USP39: variants seen among roughly 807,000 people sequenced by gnomAD.
The protein encoded by USP39 is ubiquitin carboxyl-terminal hydrolase 39.
Under a neutral mutation model 66.4 loss-of-function variants are expected in USP39, and 38 were observed. The observed-to-expected ratio is 0.57, with a 90% CI of 0.44 to 0.75. USP39 has a LOEUF of 0.75. Ranked by LOEUF, USP39 falls within the 30% of genes least tolerant of loss-of-function variation. USP39 has a pLI of 0.00. For synonymous variants in USP39, 303 were observed against 274.6 expected, an observed-to-expected ratio of 1.10 and a Z score of -1.02; for missense variants, 608 against 714.4, an observed-to-expected ratio of 0.85 and a Z score of 1.70.
chr2:85,639,263 T>A lies in USP39; in HGVS notation c.1156T>A (p.Ser386Thr). The part of the protein sequence containing the change: ...NDEYQETMVE[S>T]TFMYLTLDLP... ...CGAGTACCAGGAGACAATGGTGGAG[T>A]CCACTTTTATGTACCTGACGCTGGA... The change falls in exon 9 of 13, where the codon TCC becomes ACC. Residue 386 changes from serine (S) to threonine (T), a missense_variant. Around this residue, in one of 6 missense-constraint regions of USP39, gnomAD observed 164 missense variants for 250.3 expected, o/e 0.66. Transcript: ENST00000323701. 1 of 1,613,472 alleles carries A rather than the reference T, an allele frequency of 6.2e-7. No individual in the cohort carries two copies. Among genetic ancestry groups the A allele is most frequent in the Non-Finnish European group, 8.5e-7 (1 of 1,179,876 alleles).
At chr2:85,631,269 T>C (rs959568688) in intron 6 of USP39, among the ~76,000 whole-genome samples, 1 of 148,826 alleles carries the variant, frequency 6.7e-6, no homozygotes, top group East Asian at 2.0e-4. Context: ...CTACTCGGCC[T>C]CCCAAAGTGC....
chr2:85,623,847 G>A lies in USP39; in HGVS notation c.570+65G>A, dbSNP rs2304565. 1.5e-4 allele frequency: 233 copies of A among 1,514,158 alleles called. 3 individuals carry two copies. In the East Asian group the frequency reaches 5.8e-3, roughly 37 times the overall value. 93.8% of individuals were successfully genotyped at this position (1,514,158 alleles called of 1,614,324 possible). A position where few individuals can be genotyped will look rare whatever the true frequency, so the allele number is the denominator to read the frequency against. On this transcript the variant is annotated intron_variant, in intron 4 of 12. Coordinates refer to ENST00000323701, the MANE Select transcript of USP39 (RefSeq NM_006590.4). ...ATGAGCCATCCCAGGGCTCCCAGGG[G>A]ACTGCCCCACCTGAGGACAGGGAAG...
Position 85,640,995 on chromosome 2 carries a change from A to G in USP39, c.1304A>G (p.Glu435Gly). Reference protein sequence around the residue: ...ITEKEYKTYKENFLKRFQLTK... With the variant: ...ITEKEYKTYKGNFLKRFQLTK... ...CTCTAGGAATATAAGACTTACAAGG[A>G]GAACTTTCTGAAGCGCTTCCAGCTT... Residue 435 changes from glutamate (E) to glycine (G), a missense_variant, in exon 10 of 13, where the codon GAG becomes GGG. Transcript: ENST00000323701. 6.2e-7 allele frequency: 1 copy of G among 1,611,592 alleles called. No individual in the cohort carries two copies. The highest frequency in any genetic ancestry group is 8.5e-7 in the Non-Finnish European group (1 of 1,179,502).
intron 6 of USP39, among the ~76,000 whole-genome samples, chr2:85,635,559 CA>C (rs1277860011): frequency 1.0e-4 from 15 of 145,384 alleles, no homozygotes; most frequent in Non-Finnish European, 1.4e-4. Flanking sequence ...GACTCTGTCT[CA>C]AAAAAAAAAG....
At chr2:85,643,539 A>G (rs1356245155) in intron 10 of USP39, among the ~76,000 whole-genome samples, 1 of 152,024 alleles carries the variant, frequency 6.6e-6, no homozygotes, top group Non-Finnish European at 1.5e-5. Context: ...AGACAAGTCT[A>G]GTCAGCTTTT....
chr2:85,643,367 G>A (rs1676397138), intron 10 of USP39, among the ~76,000 whole-genome samples: 1 of 151,974 alleles, frequency 6.6e-6, no homozygotes, highest in Non-Finnish European at 1.5e-5. Context: ...GTGGGCGCCT[G>A]TAGTCCCAGC....
intron 2 of USP39, 113 bp from the exon 3 acceptor site, chr2:85,621,372 C>T: frequency 1.2e-6 from 1 of 836,232 alleles, no homozygotes; most frequent in Non-Finnish European, 2.0e-6. Flanking sequence ...TGGTTGTGAA[C>T]TGTTTTCTGA....
At chr2:85,611,548 C>T, upstream of USP39, 2 of 1,551,010 alleles carry the variant, frequency 1.3e-6, no homozygotes, top group South Asian at 1.2e-5. Flanking sequence ...GGTGGAGGTT[C>T]CGGAAAGAGA....
chr2:85,608,833 C>T, upstream of USP39: 1 of 1,440,494 alleles, frequency 6.9e-7, no homozygotes, highest in South Asian at 1.3e-5. Context: ...TGCAGCAGCT[C>T]TGGGGGTCTC....
upstream of USP39, chr2:85,611,774 G>A: frequency 1.2e-6 from 2 of 1,612,084 alleles, no homozygotes. Context: ...TCACCTTCTT[G>A]TCATAGTCGT....
Position 85,633,826 on chromosome 2 carries a change from A to G in USP39, c.950-2227A>G, listed in dbSNP as rs1291307487. ...GATTGACTTAGAGGGGACGTCGAGT[A>G]GTGGCTTTTTTTTTTTTTTTTTTTT... On this transcript the variant is annotated intron_variant, in intron 6 of 12. Coordinates refer to ENST00000323701, the MANE Select transcript of USP39 (RefSeq NM_006590.4). Among the ~76,000 whole-genome samples, 3 of 134,252 alleles carry G rather than the reference A, an allele frequency of 2.2e-5. No homozygotes were observed. The East Asian group carries it at 7.3e-4, about 33-fold the overall frequency. 88.1% of individuals were successfully genotyped at this position (134,252 alleles called of 152,430 possible).
chr2:85,610,564 G>A (rs1320110611), upstream of USP39: 1 of 152,126 alleles, frequency 6.6e-6, no homozygotes, highest in Non-Finnish European at 1.5e-5. Context: ...ACAGACAGAA[G>A]CTTTCTTATG....
At position 85,617,036 on chromosome 2, in the gene USP39, C is replaced by T. The variant is rs1190914268; in HGVS notation, c.268+573C>T. Reference sequence around the variant, plus strand: ...GCAAAAATCGTAACAACAGCAGCTTCCCTTTATCGAATGCCCGATGTGGGG... The same window carrying T: ...GCAAAAATCGTAACAACAGCAGCTTTCCTTTATCGAATGCCCGATGTGGGG... On this transcript the variant is annotated intron_variant, in intron 1 of 12. Transcript: ENST00000323701. 3.3e-5 allele frequency among the ~76,000 whole-genome samples: 5 copies of T among 151,132 alleles called. No homozygotes were observed. The East Asian group carries it at 9.7e-4, about 29-fold the overall frequency.
intron 4 of USP39, among the ~76,000 whole-genome samples, chr2:85,624,003 G>A (rs1038331935): frequency 2.0e-5 from 3 of 152,156 alleles, no homozygotes; most frequent in Non-Finnish European, 4.4e-5. Flanking sequence ...TTGTAACATT[G>A]AGGGCTAGGA....
intron 1 of USP39, chr2:85,607,029 C>T (rs1488474825): frequency 1.3e-5 from 2 of 151,804 alleles, no homozygotes; most frequent in East Asian, 1.9e-4. Context: ...ATGATCCGCC[C>T]GCCTCGGCCT....
At chr2:85,641,659 T>G (rs772000382) in intron 10 of USP39, among the ~76,000 whole-genome samples, 1 of 152,178 alleles carries the variant, frequency 6.6e-6, no homozygotes, top group African/African-American at 2.4e-5. Context: ...CCCAGCACTT[T>G]GGGAGGCCAA....
intron 5 of USP39, 44 bp downstream of exon 5, chr2:85,625,735 A>G: frequency 6.3e-7 from 1 of 1,598,152 alleles, no homozygotes; most frequent in South Asian, 1.1e-5. Flanking sequence ...GGACACCCAG[A>G]AGGCTGAGCA....
upstream of USP39, chr2:85,607,585 T>G (rs1459273535): frequency 6.6e-6 from 1 of 152,194 alleles, no homozygotes; most frequent in East Asian, 1.9e-4. Context: ...CTTGACACAT[T>G]TTAATGACAA....
chr2:85,609,439 T>TA (rs1558838121), upstream of USP39: 6 of 1,614,146 alleles, frequency 3.7e-6, no homozygotes, highest in Admixed American at 1.7e-5. Context: ...GCGTACCTGA[T>TA]AGACGATAAC....
Sources: allele counts gnomAD v4.1 joint callset (sites outside exome capture counted in the v4.1 genomes callset), GRCh38; gene constraint gnomAD v4.1.1; regional missense constraint gnomAD v4.1.1; transcripts MANE v1.5; gene names NCBI Gene and HGNC (gene_info 2026-07-23, HGNC 2026-07-21).